LPP: variants seen among roughly 807,000 people sequenced by gnomAD.
The protein encoded by LPP is LIM domain containing preferred translocation partner in lipoma.
A neutral mutation model predicts 60.4 loss-of-function variants in LPP; 38 were observed. The observed-to-expected ratio is 0.63, with a 90% CI of 0.49 to 0.83. LPP has a LOEUF of 0.83. Among genes scored for constraint, LPP ranks in the 40% least tolerant of loss-of-function variants. LPP has a pLI of 0.00. For synonymous variants in LPP, 328 were observed against 290.8 expected, an observed-to-expected ratio of 1.13 and a Z score of -1.30; for missense variants, 902 against 783.6, an observed-to-expected ratio of 1.15 and a Z score of -1.80.
intron 8 of LPP, among the ~76,000 whole-genome samples, chr3:188,713,264 G>A (rs1712350812): frequency 6.6e-6 from 1 of 152,066 alleles, no homozygotes; most frequent in African/African-American, 2.4e-5. Flanking sequence ...GATGGGACAT[G>A]CTTCAAGACA....
intron 8 of LPP, among the ~76,000 whole-genome samples, chr3:188,713,517 C>A (rs896028018): frequency 1.3e-4 from 20 of 151,916 alleles, no homozygotes; most frequent in Non-Finnish European, 2.5e-4. Context: ...GTAGGAAAAT[C>A]TTATTTTTAT....
At chr3:188,646,626 A>G (rs575099742) in intron 7 of LPP, among the ~76,000 whole-genome samples, 2 of 152,148 alleles carry the variant, frequency 1.3e-5, no homozygotes, top group Non-Finnish European at 2.9e-5. Flanking sequence ...CAACCTCAAA[A>G]CCACTGATAT....
chr3:188,502,520 G>A (rs778800979), intron 5 of LPP, among the ~76,000 whole-genome samples: 30 of 152,032 alleles, frequency 2.0e-4, no homozygotes, highest in Non-Finnish European at 3.5e-4. Context: ...GTCTCTTGTA[G>A]ACAACATATA....
chr3:188,877,581 C>CA lies in LPP; in HGVS notation c.*3103dup, dbSNP rs1769398477. 1 of 187,384 alleles carries CA rather than the reference C, an allele frequency of 5.3e-6. No homozygotes were observed. Among genetic ancestry groups the CA allele is most frequent in the African/African-American group, 2.3e-5 (1 of 42,768 alleles). 11.6% of individuals were successfully genotyped at this position (187,384 alleles called of 1,614,324 possible). ...GAAAATAAGGCCAGGTGTGGTGACT[C>CA]ACACTTGTAATCCCAGCAATTTGGG... On this transcript the variant is annotated 3_prime_UTR_variant, in exon 12 of 12. Coordinates refer to ENST00000617246, the MANE Select transcript of LPP (RefSeq NM_001375462.1).
chr3:188,416,502 G>A (rs1348455216), intron 4 of LPP, among the ~76,000 whole-genome samples: 1 of 152,004 alleles, frequency 6.6e-6, no homozygotes, highest in Non-Finnish European at 1.5e-5. Flanking sequence ...TTAACTTCAG[G>A]GACCAGTGCC....
At chr3:188,179,064 GAGT>G in intron 1 of LPP, 6 of 309,724 alleles carry the variant, frequency 1.9e-5, no homozygotes, top group South Asian at 5.0e-5. Context: ...GAGAGAGAGA[GAGT>G]GAGCAAGAGA....
intron 4 of LPP, among the ~76,000 whole-genome samples, chr3:188,464,945 G>A (rs561948273): frequency 8.4e-4 from 121 of 143,772 alleles, no homozygotes; most frequent in African/African-American, 2.8e-3. Context: ...ATCTAATTTC[G>A]GACCCAATTT....
At chr3:188,823,981 A>C (rs1005455669) in intron 9 of LPP, among the ~76,000 whole-genome samples, 1 of 152,116 alleles carries the variant, frequency 6.6e-6, no homozygotes, top group East Asian at 1.9e-4. Context: ...TTTTAAGGAG[A>C]AAATGGGAAG....
chr3:188,774,994 T>C (rs78944029), intron 9 of LPP, among the ~76,000 whole-genome samples: 2 of 152,130 alleles, frequency 1.3e-5, no homozygotes, highest in African/African-American at 4.8e-5. Context: ...TTGGCACTGA[T>C]TGATGGATTG....
intron 3 of LPP, among the ~76,000 whole-genome samples, chr3:188,402,002 T>C (rs1314653775): frequency 6.6e-6 from 1 of 152,086 alleles, no homozygotes; most frequent in Non-Finnish European, 1.5e-5. Flanking sequence ...AGGAAAAAAA[T>C]GTGAATTTCT....
At chr3:188,334,683 C>G (rs1761161631) in intron 2 of LPP, among the ~76,000 whole-genome samples, 1 of 152,110 alleles carries the variant, frequency 6.6e-6, no homozygotes, top group African/African-American at 2.4e-5. Context: ...CCCACCTTGG[C>G]CTCCCAAAGT....
At chr3:188,633,241 C>A (rs899537546) in intron 7 of LPP, among the ~76,000 whole-genome samples, 1 of 152,190 alleles carries the variant, frequency 6.6e-6, no homozygotes. Flanking sequence ...AGGCATCAAC[C>A]AGTCTAAACA....
intron 2 of LPP, among the ~76,000 whole-genome samples, chr3:188,309,698 A>G (rs546172748): frequency 3.3e-5 from 5 of 152,310 alleles, no homozygotes; most frequent in South Asian, 4.1e-4. Context: ...TTATGCCTGT[A>G]TAATATTCAT....
chr3:188,374,856 C>A (rs963851212), intron 3 of LPP, among the ~76,000 whole-genome samples: 1 of 151,942 alleles, frequency 6.6e-6, no homozygotes, highest in African/African-American at 2.4e-5. Context: ...TCATAGATAG[C>A]TCTTATTATT....
chr3:188,411,971 CTG>C (rs1189819639), intron 4 of LPP, among the ~76,000 whole-genome samples: 2 of 29,032 alleles, frequency 6.9e-5, no homozygotes, highest in Admixed American at 5.2e-4. Context: ...CTCTCTTTCT[CTG>C]TCTCTCTCTC....
At chr3:188,390,369 A>G (rs960146722) in intron 3 of LPP, among the ~76,000 whole-genome samples, 33 of 152,158 alleles carry the variant, frequency 2.2e-4, no homozygotes, top group African/African-American at 7.7e-4. Flanking sequence ...TACTATTTAT[A>G]GCTTTCCTTT....
chr3:188,723,388 A>G (rs923149353), intron 8 of LPP, among the ~76,000 whole-genome samples: 1 of 152,186 alleles, frequency 6.6e-6, no homozygotes, highest in Admixed American at 6.5e-5. Flanking sequence ...TGCCTTGGTT[A>G]AAGCATTCTA....
chr3:188,417,218 A>G (rs991429941), intron 4 of LPP, among the ~76,000 whole-genome samples: 29 of 152,064 alleles, frequency 1.9e-4, no homozygotes, highest in African/African-American at 6.8e-4. Flanking sequence ...AACAGAATAG[A>G]TAAGTCTACT....
intron 8 of LPP, among the ~76,000 whole-genome samples, chr3:188,722,109 T>G (rs1716655596): frequency 6.6e-6 from 1 of 152,210 alleles, no homozygotes; most frequent in South Asian, 2.1e-4. Flanking sequence ...TATGCTCTGC[T>G]TGTTACTGTT....
Sources: gnomAD v4.1 joint callset for allele counts (sites outside exome capture counted in the v4.1 genomes callset) on GRCh38, gnomAD v4.1.1 for gene constraint, MANE v1.5 for transcripts, NCBI Gene and HGNC (gene_info 2026-07-23, HGNC 2026-07-21) for gene names.